PARVA: variants seen among roughly 807,000 people sequenced by gnomAD.
PARVA encodes the protein alpha-parvin.
A neutral mutation model predicts 52.6 loss-of-function variants in PARVA; 25 were observed. The observed-to-expected ratio is 0.48, with a 90% confidence interval of 0.35 to 0.66. PARVA has a LOEUF of 0.66. Among genes scored for constraint, PARVA ranks in the 30% least tolerant of loss-of-function variants. PARVA has a pLI of 0.01. For missense variants in PARVA, 373 were observed against 450.9 expected (o/e 0.83, Z 1.56); for synonymous variants, 185 against 179.1 (o/e 1.03, Z -0.26).
intron 1 of PARVA, among the ~76,000 whole-genome samples, chr11:12,466,424 AGCCTCCCAAGTAGCTG>A (rs888685994): frequency 1.3e-5 from 2 of 151,632 alleles, no homozygotes; most frequent in African/African-American, 2.4e-5. Context: ...CTTCTGTCTC[AGCCTCCCAAGTAGCTG>A]GGACTACAGG....
At chr11:12,447,495 C>A (rs1348625068) in intron 1 of PARVA, among the ~76,000 whole-genome samples, 5 of 152,296 alleles carry the variant, frequency 3.3e-5, no homozygotes, top group Non-Finnish European at 1.5e-5. Context: ...AGTATGGGTG[C>A]ATTGACTTCC....
Position 12,377,623 on chromosome 11 carries a change from G to A in PARVA, c.-25G>A. On this transcript the variant is annotated 5_prime_UTR_variant, in exon 1 of 13. Coordinates refer to ENST00000334956, the MANE Select transcript of PARVA (RefSeq NM_018222.5). The stretch of plus-strand genomic sequence containing the variant: ...CCAGCGCCAGCTCCGCGTCCCGACC[G>A]GCCCGCGGCAGCCTGCGCCGCGCCA... 1.3e-6 allele frequency: 2 copies of A among 1,561,124 alleles called. No homozygotes were observed. Among genetic ancestry groups the A allele is most frequent in the Non-Finnish European group, 1.7e-6 (2 of 1,159,942 alleles).
chr11:12,429,964 T>A (rs189705159), intron 1 of PARVA, among the ~76,000 whole-genome samples: 3 of 152,350 alleles, frequency 2.0e-5, no homozygotes, highest in Non-Finnish European at 4.4e-5. Context: ...TTCCTTTTTT[T>A]AATGTTATTC....
intron 4 of PARVA, among the ~76,000 whole-genome samples, chr11:12,489,655 A>G (rs375806076): frequency 9.9e-5 from 15 of 151,914 alleles, no homozygotes; most frequent in East Asian, 9.6e-4. Context: ...CCCAAATAGT[A>G]TAAGTAGTGA....
chr11:12,440,044 C>T (rs1254521294), intron 1 of PARVA, among the ~76,000 whole-genome samples: 2 of 152,216 alleles, frequency 1.3e-5, no homozygotes, highest in African/African-American at 2.4e-5. Context: ...TTGTTTCTCT[C>T]CTTCACTAGA....
intron 1 of PARVA, among the ~76,000 whole-genome samples, chr11:12,400,879 G>A (rs1939817917): frequency 6.6e-6 from 1 of 152,182 alleles, no homozygotes; most frequent in African/African-American, 2.4e-5. Flanking sequence ...CATGTGATCT[G>A]TGCTATACTA....
intron 1 of PARVA, among the ~76,000 whole-genome samples, chr11:12,398,074 G>C (rs1187732135): frequency 4.6e-5 from 7 of 152,134 alleles, no homozygotes; most frequent in Admixed American, 4.6e-4. Context: ...ATTTGGCAGG[G>C]AGAGATGGGA....
chr11:12,418,844 A>G (rs1467450123), intron 1 of PARVA, among the ~76,000 whole-genome samples: 1 of 152,170 alleles, frequency 6.6e-6, no homozygotes, highest in Admixed American at 6.5e-5. Context: ...AATAATAACC[A>G]TTATTGCTGT....
At chr11:12,523,453 A>G (rs1415325975) in intron 12 of PARVA, among the ~76,000 whole-genome samples, 1 of 152,176 alleles carries the variant, frequency 6.6e-6, no homozygotes, top group Non-Finnish European at 1.5e-5. Context: ...GGGATGAAGG[A>G]AACTGTGGTG....
chr11:12,457,367 T>A (rs1183088105), intron 1 of PARVA, among the ~76,000 whole-genome samples: 1 of 152,220 alleles, frequency 6.6e-6, no homozygotes, highest in Non-Finnish European at 1.5e-5. Flanking sequence ...TTTTGCTGTT[T>A]CCAATGCAGT....
intron 7 of PARVA, among the ~76,000 whole-genome samples, chr11:12,510,531 T>C (rs1337257381): frequency 9.9e-5 from 15 of 152,222 alleles, no homozygotes; most frequent in Non-Finnish European, 7.3e-5. Context: ...GAGTTTTTTT[T>C]CCACACTTCT....
In PARVA at chr11:12,486,506, G is replaced by A. The variant is rs111902269; in HGVS notation, c.400+8557G>A. ...CGAGATCACATCACTGTACTCCAGC[G>A]TGCACAACAAGAGCGAAACTCTGTC... On this transcript the variant is annotated intron_variant, in intron 4 of 12. Transcript: ENST00000334956. Among the ~76,000 whole-genome samples, 726 of 151,558 alleles carry A rather than the reference G, an allele frequency of 4.8e-3. 5 individuals carry two copies. The highest frequency in any genetic ancestry group is 0.016 in the African/African-American group (669 of 41,266).
chr11:12,451,036 T>C (rs1940617116), intron 1 of PARVA, among the ~76,000 whole-genome samples: 1 of 152,256 alleles, frequency 6.6e-6, no homozygotes, highest in Non-Finnish European at 1.5e-5. Flanking sequence ...TTCAGTCCAA[T>C]CAAGTTGATA....
chr11:12,395,091 CAAAA>C (rs901391955), intron 1 of PARVA, among the ~76,000 whole-genome samples: 6 of 54,898 alleles, frequency 1.1e-4, no homozygotes, highest in African/African-American at 2.3e-4. Context: ...AACTCCATCT[CAAAA>C]AAAAAAAAAA....
chr11:12,486,295 AG>A (rs1941157958), intron 4 of PARVA, among the ~76,000 whole-genome samples: 1 of 152,168 alleles, frequency 6.6e-6, no homozygotes, highest in African/African-American at 2.4e-5. Context: ...GCACTTTGGG[AG>A]GCCGAGGTGG....
chr11:12,494,666 AG>A lies in PARVA; in HGVS notation c.401-1791del, dbSNP rs201452954. ...TATGTCACACCATTTAAAAAAAAAA[AG>A]AATGAACTAGACAACTGTGCAAGAA... is the stretch of plus-strand genomic sequence containing the variant. On this transcript the variant is annotated intron_variant, in intron 4 of 12. Coordinates refer to ENST00000334956, the MANE Select transcript of PARVA (RefSeq NM_018222.5). 5.7e-3 allele frequency among the ~76,000 whole-genome samples: 866 copies of A among 150,688 alleles called. 10 individuals are homozygous for A. The highest frequency in any genetic ancestry group is 0.016 in the African/African-American group (681 of 41,386).
rs113097657 is a variant in PARVA at position 12,429,002 on chromosome 11, C to T, written c.137-44743C>T. 3.3e-3 allele frequency among the ~76,000 whole-genome samples: 506 copies of T among 152,206 alleles called. 3 individuals are homozygous for T. The highest frequency in any genetic ancestry group is 0.012 in the African/African-American group (491 of 41,526). ...GTTTTTGTTTGTTTTGTTTGAGACA[C>T]AGTCTCTCTCTGTTGCCTAGGCTGG... On this transcript the variant is annotated intron_variant, in intron 1 of 12. Coordinates refer to ENST00000334956, the MANE Select transcript of PARVA (RefSeq NM_018222.5).
In PARVA at chr11:12,513,374, G is replaced by A. The variant is rs375711201; in HGVS notation, c.798+14G>A. On this transcript the variant is annotated intron_variant, in intron 9 of 12. Coordinates refer to ENST00000334956, the MANE Select transcript of PARVA (RefSeq NM_018222.5). ...GTGGTGAAAAAGGTGGGAAAGGGGT[G>A]CCTGGGATGGACAGAGGGAAGCGAG... 141 of 1,610,688 alleles carry A rather than the reference G, an allele frequency of 8.8e-5. No individual in the cohort carries two copies. Among genetic ancestry groups the A allele is most frequent in the Non-Finnish European group, 1.1e-4 (132 of 1,176,904 alleles).
At chr11:12,407,149 A>T (rs2134970881) in intron 1 of PARVA, among the ~76,000 whole-genome samples, 1 of 152,272 alleles carries the variant, frequency 6.6e-6, no homozygotes, top group East Asian at 1.9e-4. Context: ...TGCTTCTCAA[A>T]GTGTGATCCT....
Sources: gnomAD v4.1 joint callset for allele counts (sites outside exome capture counted in the v4.1 genomes callset) on GRCh38, gnomAD v4.1.1 for gene constraint, MANE v1.5 for transcripts, NCBI Gene and HGNC (gene_info 2026-07-23, HGNC 2026-07-21) for gene names.